Variants in GTF2A1L observed in about 807,000 individuals in gnomAD.
The protein encoded by GTF2A1L is TFIIA-alpha and beta-like factor.
GTF2A1L carries 48 observed loss-of-function variants against 49.7 expected under a neutral mutation model. The ratio of observed to expected loss-of-function variants is 0.97; its 90% CI spans 0.77 to 1.23. The LOEUF is 1.23. Among genes scored for constraint, GTF2A1L ranks in the 50% most tolerant of loss-of-function variants. GTF2A1L has a pLI of 0.00. For synonymous variants in GTF2A1L, 246 were observed against 193.5 expected, an observed-to-expected ratio of 1.27 and a Z score of -2.25; for missense variants, 736 against 564.8, an observed-to-expected ratio of 1.30 and a Z score of -3.07.
intron 6 of GTF2A1L, among the ~76,000 whole-genome samples, chr2:48,661,134 C>A (rs2104270456): frequency 6.7e-6 from 1 of 150,176 alleles, no homozygotes; most frequent in East Asian, 2.0e-4. Flanking sequence ...TTGATTTGTT[C>A]TCTCCTTTAT....
chr2:48,621,121 T>C, intron 2 of GTF2A1L, 46 bp from the exon 3 acceptor site: 2 of 1,576,304 alleles, frequency 1.3e-6, no homozygotes, highest in Non-Finnish European at 1.7e-6. Context: ...TATCATTATA[T>C]GTGTATATAT....
Position 48,620,867 on chromosome 2 carries a change from CTGTAATTGAAGA to C in GTF2A1L, c.50_61del (p.Asp17_Glu20del). On this transcript the variant is annotated inframe_deletion, in exon 2 of 9. Coordinates refer to ENST00000403751, the MANE Select transcript of GTF2A1L (RefSeq NM_006872.5). ...TTTATGTAGCCTAAACTCTACAGATCTGTAATTGAAGATGTAATTGAAGGAGTTCGGAATCTA... is the reference window on the plus strand; with the variant it reads ...TTTATGTAGCCTAAACTCTACAGATCTGTAATTGAAGGAGTTCGGAATCTA... The C allele has an allele frequency of 1.3e-6, 2 of 1,583,490 alleles. No homozygotes were observed. Among genetic ancestry groups the C allele is most frequent in the Non-Finnish European group, 1.7e-6 (2 of 1,165,908 alleles).
chr2:48,652,484 C>A (rs1677906764), intron 6 of GTF2A1L, among the ~76,000 whole-genome samples: 1 of 151,150 alleles, frequency 6.6e-6, no homozygotes, highest in African/African-American at 2.4e-5. Context: ...AGTGTGGTGG[C>A]AGGCACCTGT....
intron 3 of GTF2A1L, among the ~76,000 whole-genome samples, chr2:48,631,934 C>T (rs1322159856): frequency 6.6e-6 from 1 of 152,126 alleles, no homozygotes; most frequent in African/African-American, 2.4e-5. Context: ...CATTCAGGAG[C>T]AAGTTTTAAA....
Position 48,647,057 on chromosome 2 carries a change from C to T in GTF2A1L, c.978+15C>T, listed in dbSNP as rs1677560548. On this transcript the variant is annotated intron_variant, in intron 6 of 8. Coordinates refer to ENST00000403751, the MANE Select transcript of GTF2A1L (RefSeq NM_006872.5). The stretch of plus-strand genomic sequence containing the variant: ...TATCAGAGAAGGTATAGTTCTGTGT[C>T]CAACTTCTTGGTATCAGGGGACAGA... 1.3e-6 allele frequency: 2 copies of T among 1,559,826 alleles called. No individual in the cohort carries two copies. The highest frequency in any genetic ancestry group is 2.3e-5 in the East Asian group (1 of 44,228).
At chr2:48,621,080 T>A (rs922022629) in intron 2 of GTF2A1L, 87 bp from the exon 3 acceptor site, 142 of 1,523,754 alleles carry the variant, frequency 9.3e-5, no homozygotes, top group Admixed American at 2.1e-5. Flanking sequence ...CAGGATGACG[T>A]TAGTTTTTAA....
At position 48,617,890 on chromosome 2, in the gene GTF2A1L, C is replaced by G. The variant is rs546365149; in HGVS notation, c.16C>G (p.Pro6Ala). MACLN[P>A]VPKLYRSVIE... Reference sequence around the variant, plus strand: ...AGGTGCTGTCATGGCCTGCCTCAACCCGGTGGTAAGGAAGACCTCAGGCTC... The same window carrying G: ...AGGTGCTGTCATGGCCTGCCTCAACGCGGTGGTAAGGAAGACCTCAGGCTC... The change falls in exon 1 of 9, where the codon CCG (proline) becomes GCG (alanine). Residue 6 changes from proline (P) to alanine (A), a missense_variant. Coordinates refer to ENST00000403751, the MANE Select transcript of GTF2A1L (RefSeq NM_006872.5). 4 of 1,551,850 alleles carry G rather than the reference C, an allele frequency of 2.6e-6. No homozygotes were observed. In the African/African-American group the frequency reaches 4.1e-5, roughly 16 times the overall value.
chr2:48,620,934 T>C lies in GTF2A1L; in HGVS notation c.105T>C (p.Val35=). 6.3e-7 allele frequency: 1 copy of C among 1,597,368 alleles called. No individual in the cohort carries two copies. The highest frequency in any genetic ancestry group is 8.5e-7 in the Non-Finnish European group (1 of 1,175,166). Residue 35 remains valine, a synonymous_variant, in exon 2 of 9, where the codon GTT becomes GTC. Transcript: ENST00000403751. ...CTGAAGAAGGTATAGAGGAACAAGT[T>C]TTAAAAGACTTGAAGCAGGTTTGTA... ...LFAEEGIEEQ[V]LKDLKQLWET... is the part of the protein sequence containing the mutation.
intron 3 of GTF2A1L, among the ~76,000 whole-genome samples, chr2:48,638,843 G>C (rs1239815983): frequency 6.6e-6 from 1 of 152,064 alleles, no homozygotes; most frequent in African/African-American, 2.4e-5. Context: ...CGGCCGAAAA[G>C]CTCCTTCAGG....
At chr2:48,644,850 T>A (rs892108378) in intron 4 of GTF2A1L, among the ~76,000 whole-genome samples, 183 bp from the exon 5 acceptor site, 2 of 152,204 alleles carry the variant, frequency 1.3e-5, no homozygotes, top group African/African-American at 4.8e-5. Context: ...TTCCTCTTGA[T>A]CCTTAATGGG....
chr2:48,661,902 A>G (rs1303282540), intron 6 of GTF2A1L, among the ~76,000 whole-genome samples: 3 of 152,130 alleles, frequency 2.0e-5, no homozygotes, highest in East Asian at 1.9e-4. Flanking sequence ...CGTTTAGAGT[A>G]ATTACTGATC....
At chr2:48,621,118 A>T in intron 2 of GTF2A1L, 49 bp from the exon 3 acceptor site, 1 of 1,571,978 alleles carries the variant, frequency 6.4e-7, no homozygotes, top group Non-Finnish European at 8.6e-7. Context: ...AAGTATCATT[A>T]TATGTGTATA....
chr2:48,653,211 A>G (rs1237344982), intron 6 of GTF2A1L, among the ~76,000 whole-genome samples: 24 of 133,592 alleles, frequency 1.8e-4, no homozygotes, highest in Admixed American at 1.7e-3. Flanking sequence ...ACAGAGCCAG[A>G]CTCTGTCTCA....
At chr2:48,635,141 T>C (rs1032557763) in intron 3 of GTF2A1L, among the ~76,000 whole-genome samples, 1 of 152,006 alleles carries the variant, frequency 6.6e-6, no homozygotes, top group African/African-American at 2.4e-5. Flanking sequence ...TCAAGATCTC[T>C]GCATAGGAGG....
At chr2:48,642,380 AT>A in intron 3 of GTF2A1L, 21 bp from the exon 4 acceptor site, 1 of 1,551,944 alleles carries the variant, frequency 6.4e-7, no homozygotes, top group Non-Finnish European at 8.8e-7. Flanking sequence ...ATGAATGTAT[AT>A]TTATTTTGTT....
intron 6 of GTF2A1L, among the ~76,000 whole-genome samples, chr2:48,652,347 G>T (rs1348436944): frequency 1.3e-5 from 2 of 152,116 alleles, no homozygotes; most frequent in Non-Finnish European, 2.9e-5. Context: ...CGGGCATGGT[G>T]GCTGCTGCCT....
intron 3 of GTF2A1L, 90 bp downstream of exon 3, chr2:48,621,380 T>G: frequency 6.4e-7 from 1 of 1,571,060 alleles, no homozygotes; most frequent in South Asian, 1.2e-5. Flanking sequence ...GGTAATGTTC[T>G]TAGGGTGAGA....
intron 6 of GTF2A1L, among the ~76,000 whole-genome samples, chr2:48,664,073 A>T (rs918703449): frequency 6.6e-6 from 1 of 152,102 alleles, no homozygotes; most frequent in Non-Finnish European, 1.5e-5. Context: ...CTTTATGTAG[A>T]CTATAATCTA....
chr2:48,656,812 G>A (rs1326711659), intron 6 of GTF2A1L, among the ~76,000 whole-genome samples: 1 of 151,992 alleles, frequency 6.6e-6, no homozygotes, highest in African/African-American at 2.4e-5. Flanking sequence ...TTTCCTCTAA[G>A]AGATTTATAG....
Sources: gnomAD v4.1 joint callset for allele counts (sites outside exome capture counted in the v4.1 genomes callset) on GRCh38, gnomAD v4.1.1 for gene constraint, MANE v1.5 for transcripts, NCBI Gene and HGNC (gene_info 2026-07-23, HGNC 2026-07-21) for gene names.